KIF1B: variants seen among roughly 807,000 people sequenced by gnomAD.
KIF1B encodes kinesin family member 1B, also known as kinesin-like protein KIF1B.
In KIF1B, 76 loss-of-function variants were observed where a neutral mutation model predicts 241.9. The observed-to-expected ratio is 0.31, with a 90% CI of 0.26 to 0.38. The LOEUF (loss-of-function observed/expected upper bound fraction) is 0.38. Ranked by LOEUF, KIF1B falls within the 10% of genes least tolerant of loss-of-function variation. KIF1B has a pLI of 1.00. For synonymous variants in KIF1B, 750 were observed against 796.7 expected, an observed-to-expected ratio of 0.94 and a Z score of 0.99; for missense variants, 1,622 against 2,271.4, an observed-to-expected ratio of 0.71 and a Z score of 5.81.
At position 10,374,857 on chromosome 1, in the gene KIF1B, A is replaced by G; in HGVS notation, c.5100A>G (p.Ser1700=). 1 of 1,614,082 alleles carries G rather than the reference A, an allele frequency of 6.2e-7. No individual in the cohort carries two copies. Among genetic ancestry groups the G allele is most frequent in the East Asian group, 2.2e-5 (1 of 44,890 alleles). Residue 1700 remains serine, a synonymous_variant, in exon 47 of 49, where the codon TCA becomes TCG. Coordinates refer to ENST00000676179, the MANE Select transcript of KIF1B (RefSeq NM_001365951.3). This position sits in a 1 kb window ranked among gnomAD's most constrained non-coding sequence, Gnocchi z 4.3. ...VPDIEEIRPS[S]VVSKKGYLHF... ...TTTGTCATATTGTCGTTTTTAGCTCAGTGGTCTCTAAGAAAGGATACCTTC... is the reference window on the plus strand; with the variant it reads ...TTTGTCATATTGTCGTTTTTAGCTCGGTGGTCTCTAAGAAAGGATACCTTC...
At chr1:10,230,163 AT>A (rs1262246793) in intron 1 of KIF1B, among the ~76,000 whole-genome samples, 1 of 152,068 alleles carries the variant, frequency 6.6e-6, no homozygotes, top group Non-Finnish European at 1.5e-5. Flanking sequence ...CGGGTAGGGC[AT>A]TGAGGTAGAG....
chr1:10,239,926 T>G (rs1475147616), intron 2 of KIF1B, among the ~76,000 whole-genome samples: 1 of 151,882 alleles, frequency 6.6e-6, no homozygotes. Context: ...CCACCATGCC[T>G]GGCTAATTTT....
chr1:10,350,568 T>TATAA (rs983752564), intron 37 of KIF1B, among the ~76,000 whole-genome samples: 1 of 152,034 alleles, frequency 6.6e-6, no homozygotes, highest in African/African-American at 2.4e-5. Context: ...CAAAAAAATA[T>TATAA]ATAAATAAAT....
chr1:10,264,316 C>T (rs116110070), intron 5 of KIF1B, among the ~76,000 whole-genome samples: 2,848 of 152,266 alleles, frequency 0.019, 40 homozygotes, highest in Non-Finnish European at 0.028. Context: ...TGTAAGAGAA[C>T]GGTCCTCAGT....
chr1:10,289,026 G>A (rs1649855058), intron 15 of KIF1B, among the ~76,000 whole-genome samples: 1 of 152,208 alleles, frequency 6.6e-6, no homozygotes, highest in Non-Finnish European at 1.5e-5. Context: ...ACATTGAAGT[G>A]TTTGATGAAC....
intron 14 of KIF1B, among the ~76,000 whole-genome samples, chr1:10,280,746 T>C (rs575832281): frequency 2.6e-5 from 4 of 152,286 alleles, no homozygotes; most frequent in South Asian, 4.1e-4. Context: ...AAAGGTGCCT[T>C]CTTCTTTTTG....
At chr1:10,362,533 A>G (rs1214617640) in intron 40 of KIF1B, among the ~76,000 whole-genome samples, 5 of 151,802 alleles carry the variant, frequency 3.3e-5, no homozygotes, top group Admixed American at 1.3e-4. Context: ...AAACAATACA[A>G]TGAATACCTG....
At chr1:10,262,042 A>G in intron 5 of KIF1B, 72 bp downstream of exon 5, 4 of 996,402 alleles carry the variant, frequency 4.0e-6, no homozygotes, top group Non-Finnish European at 6.4e-6. Flanking sequence ...AAATGGCTCC[A>G]AATTATGACT....
At chr1:10,313,637 G>A (rs1459006308) in intron 22 of KIF1B, among the ~76,000 whole-genome samples, 2 of 141,182 alleles carry the variant, frequency 1.4e-5, no homozygotes, top group Non-Finnish European at 3.0e-5. Context: ...TGCAAGCTCC[G>A]CCTCCTGGGT....
chr1:10,307,330 GT>G (rs1251370425), intron 22 of KIF1B: 1 of 995,940 alleles, frequency 1.0e-6, no homozygotes, highest in East Asian at 7.0e-5. Flanking sequence ...TTGTTGTTTT[GT>G]GATAGTCTTG....
At chr1:10,290,963 T>A (rs1649967554) in intron 15 of KIF1B, 119 bp from the exon 16 acceptor site, 1 of 726,068 alleles carries the variant, frequency 1.4e-6, no homozygotes, top group Non-Finnish European at 2.4e-6. Context: ...AAGAAAAATC[T>A]CTTTACATTT....
intron 1 of KIF1B, among the ~76,000 whole-genome samples, chr1:10,220,289 T>G (rs1248311655): frequency 6.6e-6 from 1 of 151,566 alleles, no homozygotes; most frequent in Non-Finnish European, 1.5e-5. Context: ...GAGGATTGCT[T>G]GAGCCTGGGA....
At chr1:10,222,970 T>C (rs1340208125) in intron 1 of KIF1B, among the ~76,000 whole-genome samples, 1 of 152,178 alleles carries the variant, frequency 6.6e-6, no homozygotes, top group Non-Finnish European at 1.5e-5. Context: ...AATAACTCTG[T>C]AGGCTGGGTG....
At chr1:10,298,516 A>G (rs1207611148) in intron 22 of KIF1B, among the ~76,000 whole-genome samples, 2 of 152,226 alleles carry the variant, frequency 1.3e-5, no homozygotes, top group Non-Finnish European at 2.9e-5. Flanking sequence ...AGTGTTACCA[A>G]CAGAGGCTCT....
At chr1:10,307,146 TTTA>T (rs1650869861) in intron 22 of KIF1B, 1 of 1,029,850 alleles carries the variant, frequency 9.7e-7, no homozygotes, top group South Asian at 4.6e-5. Flanking sequence ...TAACCAAGGT[TTTA>T]TTGACTGCCA....
intron 7 of KIF1B, among the ~76,000 whole-genome samples, chr1:10,269,343 T>C (rs1435610152): frequency 6.6e-6 from 1 of 150,982 alleles, no homozygotes; most frequent in Non-Finnish European, 1.5e-5. Flanking sequence ...TGAAACCCAG[T>C]CTCTACTAAA....
chr1:10,234,765 C>T (rs1009152271), intron 2 of KIF1B, among the ~76,000 whole-genome samples: 2 of 151,582 alleles, frequency 1.3e-5, no homozygotes, highest in African/African-American at 2.4e-5. Flanking sequence ...CTCGAGTGAT[C>T]CTTGCCTTGG....
chr1:10,351,341 G>T (rs1428144071), intron 37 of KIF1B, among the ~76,000 whole-genome samples: 1 of 152,142 alleles, frequency 6.6e-6, no homozygotes, highest in Admixed American at 6.5e-5. Context: ...TTCTCTGAAG[G>T]ATCCTATGAT....
intron 24 of KIF1B, 65 bp from the exon 25 acceptor site, chr1:10,323,819 A>C: frequency 7.7e-7 from 1 of 1,305,006 alleles, no homozygotes. Context: ...GTATGATTGT[A>C]TCGTCTCATC....
Sources: allele counts gnomAD v4.1 joint callset (sites outside exome capture counted in the v4.1 genomes callset), GRCh38; gene constraint gnomAD v4.1.1; non-coding constraint Gnocchi (gnomAD v3.1); transcripts MANE v1.5; gene names NCBI Gene and HGNC (gene_info 2026-07-23, HGNC 2026-07-21).